AAK1: variants seen among roughly 807,000 people sequenced by gnomAD.
AAK1 encodes AP2-associated protein kinase 1.
Under a neutral mutation model 116.0 loss-of-function variants are expected in AAK1, and 37 were observed. The ratio of observed to expected loss-of-function variants is 0.32; its 90% CI spans 0.25 to 0.42. AAK1 has a LOEUF of 0.42. AAK1 is among the 10% of genes least tolerant of loss of function. AAK1 has a pLI of 1.00. For missense variants in AAK1, 919 were observed against 1,170.6 expected, an observed-to-expected ratio of 0.79 and a Z score of 3.14; for synonymous variants, 458 against 439.9, an observed-to-expected ratio of 1.04 and a Z score of -0.51.
At position 69,480,920 on chromosome 2, in the gene AAK1, C is replaced by A; in HGVS notation, c.2509G>T (p.Glu837Ter). ...VAVESLIPGL[E>*]PPVPQRLPSQ... ...GGGAGGCGCTGGGGAACTGGGGGCT[C>A]CAGTCCTGGTATGAGACTCTCAACA... Residue 837 changes from glutamate (E) to a stop codon, truncating the protein, a stop_gained, in exon 19 of 22, where the codon GAG becomes TAG. Transcript: ENST00000409085. LOFTEE classifies it high-confidence loss of function. 1 of 1,607,522 alleles carries A rather than the reference C, an allele frequency of 6.2e-7. No individual in the cohort carries two copies. Among genetic ancestry groups the A allele is most frequent in the Non-Finnish European group, 8.5e-7 (1 of 1,177,594 alleles).
intron 2 of AAK1, among the ~76,000 whole-genome samples, chr2:69,629,326 T>G (rs1340637439): frequency 6.6e-6 from 1 of 152,246 alleles, no homozygotes; most frequent in Non-Finnish European, 1.5e-5. Context: ...TTCAGTAATA[T>G]CTGAGTTTTT....
intron 17 of AAK1, among the ~76,000 whole-genome samples, chr2:69,488,043 G>A (rs1486913378): frequency 1.3e-5 from 2 of 151,862 alleles, no homozygotes; most frequent in Non-Finnish European, 2.9e-5. Context: ...CAAAGTGCTG[G>A]AATTACAGGT....
chr2:69,493,302 C>T (rs1424796791), intron 17 of AAK1, among the ~76,000 whole-genome samples: 1 of 151,896 alleles, frequency 6.6e-6, no homozygotes, highest in African/African-American at 2.4e-5. Context: ...TGCAGGACAC[C>T]GTGAAAGGAC....
chr2:69,639,791 T>C (rs528420082), intron 2 of AAK1, among the ~76,000 whole-genome samples: 30 of 152,252 alleles, frequency 2.0e-4, no homozygotes, highest in African/African-American at 6.7e-4. Context: ...CCTGTGGTCC[T>C]TAAACAACTC....
rs563115959 is a variant in AAK1, at chr2:69,501,120, A to C, written c.2269+4449T>G. Among the ~76,000 whole-genome samples the C allele has an allele frequency of 3.3e-5, 5 of 152,276 alleles. No individual in the cohort carries two copies. In the South Asian group the frequency reaches 1.0e-3, roughly 32 times the overall value. The stretch of plus-strand genomic sequence containing the variant: ...TGGCTAATCATCATTTTGATGTTCT[A>C]TTTCAAAGACAACAGTCAATGCTTT... On this transcript the variant is annotated intron_variant, in intron 16 of 21. Coordinates refer to ENST00000409085, the MANE Select transcript of AAK1 (RefSeq NM_014911.5).
At position 69,469,522 on chromosome 2, in the gene AAK1, G is replaced by T; in HGVS notation, c.*6347C>A. 1.0e-6 allele frequency: 1 copy of T among 985,396 alleles called. No homozygotes were observed. The highest frequency in any genetic ancestry group is 1.2e-6 in the Non-Finnish European group (1 of 829,928). 61.0% of individuals were successfully genotyped at this position (985,396 alleles called of 1,614,324 possible). A position where few individuals can be genotyped will look rare whatever the true frequency, so the allele number is the denominator to read the frequency against. ...AGCAGTCTCTTTACTAGCATTGAAG[G>T]ATTTATACTAACCTAACCACATGCC... On this transcript the variant is annotated 3_prime_UTR_variant, in exon 22 of 22. Transcript: ENST00000409085.
At position 69,475,112 on chromosome 2, in the gene AAK1, A is replaced by G. The variant is rs1186190996; in HGVS notation, c.*757T>C. ...AATACTTGGGATTTATATAACGTAC[A>G]CATTGTATCCAAGGATCTCAAATAC... On this transcript the variant is annotated 3_prime_UTR_variant, in exon 22 of 22. Transcript: ENST00000409085. 2 of 985,706 alleles carry G rather than the reference A, an allele frequency of 2.0e-6. No homozygotes were observed. The highest frequency in any genetic ancestry group is 3.5e-5 in the African/African-American group (2 of 57,238). 61.1% of individuals were successfully genotyped at this position (985,706 alleles called of 1,614,324 possible). A position where few individuals can be genotyped will look rare whatever the true frequency, so the allele number is the denominator to read the frequency against.
At chr2:69,562,298 G>C (rs13397544) in intron 2 of AAK1, among the ~76,000 whole-genome samples, 5 of 152,266 alleles carry the variant, frequency 3.3e-5, no homozygotes, top group African/African-American at 1.2e-4. Flanking sequence ...TCTTGTTGTG[G>C]TTTTAATTTG....
rs1170238076 is a variant in AAK1, at chr2:69,474,180, T to TA, written c.*1688dup. On this transcript the variant is annotated 3_prime_UTR_variant, in exon 22 of 22. Transcript: ENST00000409085. ...GTGTTTTATAGGCTGTTGTTGCTGTTAAACTTTTTTCCCCCATAAAGTGCA... is the reference window on the plus strand; with the variant it reads ...GTGTTTTATAGGCTGTTGTTGCTGTTAAAACTTTTTTCCCCCATAAAGTGCA... 1 of 985,756 alleles carries TA rather than the reference T, an allele frequency of 1.0e-6. No homozygotes were observed. Among genetic ancestry groups the TA allele is most frequent in the Non-Finnish European group, 1.2e-6 (1 of 829,942 alleles). 61.1% of individuals were successfully genotyped at this position (985,756 alleles called of 1,614,324 possible). A position where few individuals can be genotyped will look rare whatever the true frequency, so the allele number is the denominator to read the frequency against.
chr2:69,544,606 A>T, intron 3 of AAK1, 62 bp from the exon 4 acceptor site: 1 of 1,189,290 alleles, frequency 8.4e-7, no homozygotes, highest in Non-Finnish European at 1.2e-6. Context: ...AGAATTAGCC[A>T]GTCAGTTCCA....
chr2:69,609,109 C>T (rs575233096), intron 2 of AAK1, among the ~76,000 whole-genome samples: 1 of 152,226 alleles, frequency 6.6e-6, no homozygotes, highest in Admixed American at 6.5e-5. Flanking sequence ...TACCTGTAAT[C>T]CCAGCACTTT....
chr2:69,541,227 CTTT>C (rs545915571), intron 5 of AAK1, among the ~76,000 whole-genome samples: 3,762 of 125,180 alleles, frequency 0.03, 116 homozygotes, highest in African/African-American at 0.1. Context: ...TTTTATACTT[CTTT>C]TTTTTTTTTT....
chr2:69,552,090 T>C (rs747928354), intron 3 of AAK1, among the ~76,000 whole-genome samples: 3 of 152,066 alleles, frequency 2.0e-5, no homozygotes, highest in Non-Finnish European at 4.4e-5. Context: ...CTGACAGAAG[T>C]CTGAGACTTA....
intron 5 of AAK1, among the ~76,000 whole-genome samples, chr2:69,537,795 C>A (rs984260193): frequency 6.6e-6 from 1 of 152,174 alleles, no homozygotes; most frequent in Non-Finnish European, 1.5e-5. Context: ...TAAAATCTAA[C>A]GTGCTAATGA....
chr2:69,460,322 C>T lies in AAK1; in HGVS notation c.*15547G>A, dbSNP rs1396807779. The T allele has an allele frequency of 6.6e-6, 1 of 152,472 alleles. No homozygotes were observed. Among genetic ancestry groups the T allele is most frequent in the Non-Finnish European group, 1.5e-5 (1 of 68,020 alleles). The allele number at this position is 152,472 out of a possible 1,614,324, so 9.4% of individuals were successfully genotyped here. A position where few individuals can be genotyped will look rare whatever the true frequency, so the allele number is the denominator to read the frequency against. On this transcript the variant is annotated 3_prime_UTR_variant, in exon 22 of 22. Coordinates refer to ENST00000409085, the MANE Select transcript of AAK1 (RefSeq NM_014911.5). ...CTCTAATTTCCTACAATAAAATTTC[C>T]TATGTGATATACTGCATATATATTA...
intron 2 of AAK1, among the ~76,000 whole-genome samples, chr2:69,563,316 C>A (rs1309570287): frequency 6.6e-6 from 1 of 152,076 alleles, no homozygotes; most frequent in Admixed American, 6.6e-5. Context: ...AGAGGAGAAA[C>A]ACACCAAAGT....
At chr2:69,610,539 G>A (rs1674031113) in intron 2 of AAK1, among the ~76,000 whole-genome samples, 1 of 152,018 alleles carries the variant, frequency 6.6e-6, no homozygotes, top group South Asian at 2.1e-4. Flanking sequence ...GAGTATCAAA[G>A]GACAACTAGC....
Position 69,532,144 on chromosome 2 carries a change from G to A in AAK1, c.553C>T (p.His185Tyr). The A allele has an allele frequency of 1.9e-6, 3 of 1,613,490 alleles. No homozygotes were observed. The highest frequency in any genetic ancestry group is 2.2e-5 in the South Asian group (2 of 91,068). The change falls in exon 6 of 22, where the codon CAT becomes TAT. Residue 185 changes from histidine (H) to tyrosine (Y), a missense_variant. Coordinates refer to ENST00000409085, the MANE Select transcript of AAK1 (RefSeq NM_014911.5). ...RDLKVENILL[H>Y]DRGHYVLCDF... The stretch of plus-strand genomic sequence containing the variant: ...CACAGGACATAGTGGCCTCGGTCAT[G>A]CAAGAGGATGTTTTCAACCTGAAAA...
At chr2:69,564,635 T>G (rs1671787063) in intron 2 of AAK1, among the ~76,000 whole-genome samples, 1 of 152,192 alleles carries the variant, frequency 6.6e-6, no homozygotes, top group Admixed American at 6.5e-5. Context: ...CATGTAGTAT[T>G]CCTTTAGAGC....
Sources: gnomAD v4.1 joint callset for allele counts (sites outside exome capture counted in the v4.1 genomes callset) on GRCh38, gnomAD v4.1.1 for gene constraint, MANE v1.5 for transcripts, NCBI Gene and HGNC (gene_info 2026-07-23, HGNC 2026-07-21) for gene names.